The following CHD9 variants were observed in gnomAD, a reference collection of about 807,000 sequenced individuals.
The protein encoded by CHD9 is ATP-dependent chromatin remodeler CHD9.
In CHD9, 77 loss-of-function variants were observed where a neutral mutation model predicts 316.1. The observed-to-expected ratio is 0.24, with a 90% CI of 0.20 to 0.29. The LOEUF (loss-of-function observed/expected upper bound fraction) is 0.29. CHD9 is among the 10% of genes least tolerant of loss of function. The probability of loss-of-function intolerance (pLI) is 1.00; values close to 1 mark genes in which losing one functional copy is unlikely to be tolerated. For synonymous variants in CHD9, 1,129 were observed against 1,158.3 expected, an observed-to-expected ratio of 0.97 and a Z score of 0.51; for missense variants, 2,763 against 3,438.1, an observed-to-expected ratio of 0.80 and a Z score of 4.91.
intron 3 of CHD9, among the ~76,000 whole-genome samples, chr16:53,215,361 A>AACAGGAAGTAATAGTCTAAGT (rs2046669220): frequency 1.3e-5 from 2 of 152,340 alleles, no homozygotes; most frequent in African/African-American, 4.8e-5. Context: ...TCCAACTTTA[A>AACAGGAAGTAATAGTCTAAGT]ACAGGAAGTA....
chr16:53,149,076 C>A (rs1426196065), intron 1 of CHD9, among the ~76,000 whole-genome samples: 3 of 152,176 alleles, frequency 2.0e-5, no homozygotes, highest in Non-Finnish European at 2.9e-5. Flanking sequence ...AATTTGGCTT[C>A]TGTTATCGAT....
chr16:53,281,684 A>G (rs1280313543), intron 24 of CHD9, among the ~76,000 whole-genome samples: 2 of 152,054 alleles, frequency 1.3e-5, no homozygotes, highest in African/African-American at 4.8e-5. Flanking sequence ...TGTGTCCCTC[A>G]CCCACCATGC....
chr16:53,133,963 A>G (rs145685074), intron 1 of CHD9, among the ~76,000 whole-genome samples: 2 of 152,318 alleles, frequency 1.3e-5, no homozygotes, highest in East Asian at 3.9e-4. Flanking sequence ...GCATCTATCA[A>G]TAGTAAAACA....
chr16:53,230,737 TG>T (rs2048094862), intron 8 of CHD9, among the ~76,000 whole-genome samples: 1 of 151,590 alleles, frequency 6.6e-6, no homozygotes, highest in East Asian at 1.9e-4. Context: ...AGACAGTAGT[TG>T]GGGTTATTTT....
chr16:53,115,166 C>G (rs1482486766), intron 1 of CHD9, among the ~76,000 whole-genome samples: 1 of 152,068 alleles, frequency 6.6e-6, no homozygotes, highest in African/African-American at 2.4e-5. Context: ...GATAATGAGG[C>G]AAATGTTTAT....
chr16:53,322,949 G>T (rs530881588), intron 38 of CHD9, among the ~76,000 whole-genome samples: 4 of 152,202 alleles, frequency 2.6e-5, no homozygotes, highest in African/African-American at 9.6e-5. Context: ...TCTGCTATGA[G>T]CCCTGATGCC....
At position 53,141,338 on chromosome 16, in the gene CHD9, A is replaced by G. The variant is rs143440429; in HGVS notation, c.-164-14588A>G. 1.6e-3 allele frequency among the ~76,000 whole-genome samples: 237 copies of G among 152,328 alleles called. 3 individuals are homozygous for G. Among genetic ancestry groups the G allele is most frequent in the African/African-American group, 5.4e-3 (224 of 41,580 alleles). The stretch of plus-strand genomic sequence containing the variant: ...GTTCCAGAGCCTGTAAAACTGTGCT[A>G]TAGGATCCCTTGTAGAATTCCTTTT... On this transcript the variant is annotated intron_variant, in intron 1 of 38. Transcript: ENST00000447540.
At chr16:53,312,243 G>C (rs999889257) in intron 34 of CHD9, among the ~76,000 whole-genome samples, 1 of 152,086 alleles carries the variant, frequency 6.6e-6, no homozygotes, top group Non-Finnish European at 1.5e-5. Flanking sequence ...AAGAAATGTA[G>C]GACACTATCT....
At position 53,324,736 on chromosome 16, in the gene CHD9, A is replaced by G. The variant is rs778382263; in HGVS notation, c.8535A>G (p.Glu2845=). 6.2e-7 allele frequency: 1 copy of G among 1,613,496 alleles called. No homozygotes were observed. Among genetic ancestry groups the G allele is most frequent in the Non-Finnish European group, 8.5e-7 (1 of 1,179,670 alleles). ...CTAAGTCTGTAGAAGTAAAAGAAGA[A>G]GATTCCAGAATTAAAGATCAGGAAG... is the stretch of plus-strand genomic sequence containing the variant. ...GSSKSVEVKE[E]DSRIKDQEDK... Residue 2845 remains glutamate, a synonymous_variant, in exon 39 of 39, where the codon GAA becomes GAG. Coordinates refer to ENST00000447540, the MANE Select transcript of CHD9 (RefSeq NM_001308319.2).
chr16:53,147,632 A>G (rs962764999), intron 1 of CHD9, among the ~76,000 whole-genome samples: 6 of 152,204 alleles, frequency 3.9e-5, no homozygotes, highest in African/African-American at 1.2e-4. Context: ...CTGCCTGCTA[A>G]TATCTCTGAA....
At chr16:53,113,618 G>C (rs931315077) in intron 1 of CHD9, among the ~76,000 whole-genome samples, 1 of 151,710 alleles carries the variant, frequency 6.6e-6, no homozygotes, top group Non-Finnish European at 1.5e-5. Flanking sequence ...GTCGAGTCTT[G>C]GCATTTTTAA....
In CHD9 at chr16:53,246,027, G is replaced by A. The variant is rs184501366; in HGVS notation, c.3454+177G>A. Reference sequence around the variant, plus strand: ...GAACTGCTTTGTTACAGTGACTGATGTTAACACACCAGGTTATGACAGCAG... The same window carrying A: ...GAACTGCTTTGTTACAGTGACTGATATTAACACACCAGGTTATGACAGCAG... On this transcript the variant is annotated intron_variant, in intron 15 of 38. Transcript: ENST00000447540. Among the ~76,000 whole-genome samples, 40 of 152,308 alleles carry A rather than the reference G, an allele frequency of 2.6e-4. 2 individuals are homozygous for A. Among genetic ancestry groups the A allele is most frequent in the African/African-American group, 9.6e-4 (40 of 41,570 alleles).
At chr16:53,274,570 C>T (rs1453775014) in intron 24 of CHD9, among the ~76,000 whole-genome samples, 1 of 152,180 alleles carries the variant, frequency 6.6e-6, no homozygotes, top group African/African-American at 2.4e-5. Flanking sequence ...ATTCTCCTGC[C>T]TCAGCCTCCC....
intron 2 of CHD9, among the ~76,000 whole-genome samples, chr16:53,205,926 T>G (rs1188430219): frequency 2.6e-5 from 4 of 152,136 alleles, no homozygotes; most frequent in Admixed American, 6.5e-5. Flanking sequence ...TACACATTCT[T>G]TCTCAACTAG....
At chr16:53,071,693 G>C (rs1596876458) in intron 1 of CHD9, among the ~76,000 whole-genome samples, 1 of 152,166 alleles carries the variant, frequency 6.6e-6, no homozygotes, top group South Asian at 2.1e-4. Flanking sequence ...CAGAGCTGCA[G>C]AAGAAAGAGA....
intron 1 of CHD9, among the ~76,000 whole-genome samples, chr16:53,111,508 C>G (rs2037865228): frequency 6.6e-6 from 1 of 152,172 alleles, no homozygotes; most frequent in Admixed American, 6.5e-5. Context: ...TTCTTTGAGG[C>G]CTGTAGTTCA....
At chr16:53,069,758 T>G (rs1346597230) in intron 1 of CHD9, among the ~76,000 whole-genome samples, 2 of 152,240 alleles carry the variant, frequency 1.3e-5, no homozygotes, top group Non-Finnish European at 2.9e-5. Flanking sequence ...ATACCTATAA[T>G]GGAATTGCTG....
At chr16:53,318,096 T>C (rs1220924575) in intron 36 of CHD9, 116 bp from the exon 37 acceptor site, 1 of 774,098 alleles carries the variant, frequency 1.3e-6, no homozygotes, top group African/African-American at 1.8e-5. Context: ...ATTTTTAAAA[T>C]GTAAATAACC....
chr16:53,219,614 G>A (rs78658219), intron 3 of CHD9, among the ~76,000 whole-genome samples: 2,307 of 152,234 alleles, frequency 0.015, 52 homozygotes, highest in African/African-American at 0.053. Flanking sequence ...ACAGTTACAC[G>A]TTAGGACTTA....
Sources: allele counts gnomAD v4.1 joint callset (sites outside exome capture counted in the v4.1 genomes callset), GRCh38; gene constraint gnomAD v4.1.1; transcripts MANE v1.5; gene names NCBI Gene and HGNC (gene_info 2026-07-23, HGNC 2026-07-21).